The following MRAP2 variants were observed in gnomAD, a reference collection of about 807,000 sequenced individuals.
MRAP2 encodes melanocortin 2 receptor accessory protein 2.
MRAP2 carries 20 observed loss-of-function variants against 17.4 expected under a neutral mutation model. That is an observed-to-expected ratio of 1.15 (90% CI 0.81 to 1.67). The LOEUF is 1.67. Among genes scored for constraint, MRAP2 ranks in the 40% most tolerant of loss-of-function variants. The pLI, the probability that MRAP2 is intolerant of heterozygous loss-of-function variation, is 0.00. For missense variants in MRAP2, 238 were observed against 240.0 expected (o/e 0.99, Z 0.05); for synonymous variants, 96 against 88.4 (o/e 1.09, Z -0.48).
At chr6:84,051,343 G>T (rs934293178) in intron 1 of MRAP2, among the ~76,000 whole-genome samples, 11 of 152,312 alleles carry the variant, frequency 7.2e-5, no homozygotes, top group Non-Finnish European at 1.2e-4. Context: ...ATCACCTGAG[G>T]TCAGGAGTTT....
At chr6:84,107,899 T>C in the MRAP2 span, among the ~76,000 whole-genome samples, 1 of 152,244 alleles carries the variant, frequency 6.6e-6, no homozygotes, top group Non-Finnish European at 1.5e-5. Context: ...GGTTAAAGTA[T>C]AGCAATCTGC....
chr6:84,131,438 C>G, the MRAP2 span, among the ~76,000 whole-genome samples: 1 of 152,100 alleles, frequency 6.6e-6, no homozygotes, highest in Admixed American at 6.5e-5. Flanking sequence ...CTAATGTTGA[C>G]AGTGGGGTGT....
At chr6:84,077,976 T>C (rs1327472516) in intron 3 of MRAP2, among the ~76,000 whole-genome samples, 1 of 152,176 alleles carries the variant, frequency 6.6e-6, no homozygotes, top group South Asian at 2.1e-4. Context: ...AAACCAAATT[T>C]TGAACGTTAC....
upstream of MRAP2, chr6:84,033,685 C>T: frequency 1.0e-6 from 1 of 985,180 alleles, no homozygotes; most frequent in Non-Finnish European, 1.2e-6. Flanking sequence ...AGGCGGCTCC[C>T]GCGCTGCAGC....
At chr6:84,119,508 C>A in the MRAP2 span, among the ~76,000 whole-genome samples, 1 of 152,172 alleles carries the variant, frequency 6.6e-6, no homozygotes, top group Admixed American at 6.5e-5. Context: ...AGATCAGATT[C>A]TCTCTCAGGG....
At chr6:84,098,169 C>T in the MRAP2 span, among the ~76,000 whole-genome samples, 4 of 152,068 alleles carry the variant, frequency 2.6e-5, no homozygotes, top group Non-Finnish European at 4.4e-5. Flanking sequence ...CAGATCAGTC[C>T]ATATTTTCAT....
At chr6:84,080,732 A>G (rs2099498757) in intron 3 of MRAP2, among the ~76,000 whole-genome samples, 1 of 152,198 alleles carries the variant, frequency 6.6e-6, no homozygotes, top group Admixed American at 6.5e-5. Context: ...TTAACAAGTA[A>G]CAGGTACAAA....
chr6:84,126,754 C>T, the MRAP2 span, among the ~76,000 whole-genome samples: 1 of 152,104 alleles, frequency 6.6e-6, no homozygotes, highest in African/African-American at 2.4e-5. Context: ...CCAAGTATGG[C>T]AGTCTGGTAA....
intron 1 of MRAP2, chr6:84,045,242 C>T: frequency 2.0e-6 from 2 of 985,352 alleles, no homozygotes; most frequent in South Asian, 9.4e-5. Context: ...GCTGGACATG[C>T]TGGACATCGG....
the MRAP2 span, among the ~76,000 whole-genome samples, chr6:84,108,387 G>C: frequency 2.0e-5 from 3 of 151,498 alleles, no homozygotes; most frequent in Non-Finnish European, 4.4e-5. Context: ...GGTGTGAGAT[G>C]GTATCTCATT....
the MRAP2 span, among the ~76,000 whole-genome samples, chr6:84,121,592 C>A: frequency 2.0e-5 from 3 of 151,914 alleles, no homozygotes; most frequent in African/African-American, 7.3e-5. Flanking sequence ...TGTAGTGAGC[C>A]GAGATTACAC....
At chr6:84,124,796 C>T in the MRAP2 span, 1 of 393,888 alleles carries the variant, frequency 2.5e-6, no homozygotes, top group Non-Finnish European at 4.5e-6. Context: ...TCTTTTCTTT[C>T]TATTTCTAGC....
chr6:84,061,200 A>G (rs879526764), intron 2 of MRAP2, among the ~76,000 whole-genome samples: 4 of 152,204 alleles, frequency 2.6e-5, no homozygotes, highest in Admixed American at 2.6e-4. Flanking sequence ...ACTTTGGAAA[A>G]AGTGCTACAT....
chr6:84,103,636 C>T, the MRAP2 span, among the ~76,000 whole-genome samples: 1 of 152,210 alleles, frequency 6.6e-6, no homozygotes, highest in African/African-American at 2.4e-5. Flanking sequence ...TTCATGAATT[C>T]ACTTGTGTGT....
intron 3 of MRAP2, among the ~76,000 whole-genome samples, chr6:84,065,284 C>CAAA (rs34029427): frequency 0.14 from 18,506 of 135,242 alleles, 1,202 homozygotes; most frequent in Middle Eastern, 0.26. Flanking sequence ...GACCCTGTCT[C>CAAA]AAAAAAAAAA....
At chr6:84,134,919 TACACAC>T in the MRAP2 span, among the ~76,000 whole-genome samples, 4,359 of 147,904 alleles carry the variant, frequency 0.029, 124 homozygotes, top group African/African-American at 0.081. Context: ...AGATCATATA[TACACAC>T]ACACACACAC....
chr6:84,117,688 T>A, the MRAP2 span, among the ~76,000 whole-genome samples: 1 of 146,736 alleles, frequency 6.8e-6, no homozygotes, highest in Admixed American at 6.9e-5. Flanking sequence ...TGTGTGTGGT[T>A]GTTGTTGTTG....
At chr6:84,079,877 G>A (rs942450157) in intron 3 of MRAP2, among the ~76,000 whole-genome samples, 1 of 152,190 alleles carries the variant, frequency 6.6e-6, no homozygotes, top group African/African-American at 2.4e-5. Flanking sequence ...AGATGTCCTT[G>A]TAGAAGTATT....
At chr6:84,077,073 G>A (rs2099497815) in intron 3 of MRAP2, among the ~76,000 whole-genome samples, 1 of 152,186 alleles carries the variant, frequency 6.6e-6, no homozygotes, top group Admixed American at 6.5e-5. Flanking sequence ...TTAGTGCAAA[G>A]CTCTTTTAGG....
Sources: gnomAD v4.1 joint callset for allele counts (sites outside exome capture counted in the v4.1 genomes callset) on GRCh38, gnomAD v4.1.1 for gene constraint, MANE v1.5 for transcripts, NCBI Gene and HGNC (gene_info 2026-07-23, HGNC 2026-07-21) for gene names.